GPR19: variants seen among roughly 807,000 people sequenced by gnomAD.
GPR19 encodes probable G protein-coupled receptor 19.
A neutral mutation model predicts 28.5 loss-of-function variants in GPR19; 14 were observed. The observed-to-expected ratio is 0.49, with a 90% CI of 0.32 to 0.77. The LOEUF is 0.77. Among genes scored for constraint, GPR19 ranks in the 30% least tolerant of loss-of-function variants. GPR19 has a pLI of 0.03. For missense variants in GPR19, 409 were observed against 504.1 expected (o/e 0.81, Z 1.81); for synonymous variants, 173 against 184.1 (o/e 0.94, Z 0.49).
At chr12:12,690,869 G>T (rs1012189364) in intron 2 of GPR19, among the ~76,000 whole-genome samples, 1 of 152,208 alleles carries the variant, frequency 6.6e-6, no homozygotes, top group Non-Finnish European at 1.5e-5. Flanking sequence ...AAAAAGGGCT[G>T]TTGGCAATTT....
upstream of GPR19, among the ~76,000 whole-genome samples, chr12:12,700,820 TA>T (rs1046000149): frequency 5.9e-5 from 9 of 152,212 alleles, no homozygotes; most frequent in African/African-American, 1.9e-4. Flanking sequence ...GAATTTAGTA[TA>T]AAAAATAATG....
the GPR19 span, among the ~76,000 whole-genome samples, chr12:12,715,476 A>G: frequency 4.6e-5 from 7 of 152,248 alleles, no homozygotes; most frequent in South Asian, 4.1e-4. Flanking sequence ...CTGTCCTTCA[A>G]TTTTAGTTGA....
chr12:12,674,830 T>C (rs10743998), intron 3 of GPR19, among the ~76,000 whole-genome samples: 117,907 of 152,098 alleles, frequency 0.78, 46,046 homozygotes, highest in East Asian at 0.95. Context: ...CTCATGAAGA[T>C]CTAGTATAAT....
upstream of GPR19, chr12:12,696,326 G>T (rs1946260838): frequency 7.1e-6 from 1 of 140,602 alleles, no homozygotes; most frequent in Non-Finnish European, 1.5e-5. Flanking sequence ...GTGGCGTTGA[G>T]ATCCCACCCG....
intron 3 of GPR19, among the ~76,000 whole-genome samples, chr12:12,680,484 A>G (rs1291257160): frequency 6.6e-6 from 1 of 152,208 alleles, no homozygotes; most frequent in Non-Finnish European, 1.5e-5. Flanking sequence ...AAACATATTC[A>G]TGATGGTAAC....
At chr12:12,668,294 A>C (rs950360297) in intron 3 of GPR19, among the ~76,000 whole-genome samples, 5 of 152,226 alleles carry the variant, frequency 3.3e-5, no homozygotes, top group Admixed American at 6.5e-5. Flanking sequence ...CTTCGGTATT[A>C]TGTTAATAAA....
At chr12:12,686,081 A>G (rs1448267740) in intron 2 of GPR19, among the ~76,000 whole-genome samples, 3 of 152,266 alleles carry the variant, frequency 2.0e-5, no homozygotes, top group African/African-American at 7.2e-5. Context: ...CAAACTGGCT[A>G]TACATTTGTC....
intron 2 of GPR19, among the ~76,000 whole-genome samples, chr12:12,695,066 C>A (rs1368236727): frequency 6.6e-6 from 1 of 152,226 alleles, no homozygotes; most frequent in African/African-American, 2.4e-5. Context: ...AATCCTGTGG[C>A]TTTCCATATT....
intron 3 of GPR19, among the ~76,000 whole-genome samples, chr12:12,673,618 C>A (rs116937857): frequency 6.6e-6 from 1 of 152,138 alleles, no homozygotes; most frequent in East Asian, 1.9e-4. Flanking sequence ...GAAACCCCAA[C>A]GACAGGAAGT....
the GPR19 span, among the ~76,000 whole-genome samples, chr12:12,707,742 A>G: frequency 8.5e-5 from 13 of 152,238 alleles, no homozygotes; most frequent in African/African-American, 2.9e-4. Flanking sequence ...TTTTAGGGAC[A>G]GGGTCTCGCT....
chr12:12,716,840 G>C, the GPR19 span: 1 of 984,454 alleles, frequency 1.0e-6, no homozygotes, highest in South Asian at 4.7e-5. Context: ...ACGCCGGCGG[G>C]GGGGCGCCCA....
the GPR19 span, among the ~76,000 whole-genome samples, chr12:12,704,702 AGTT>A: frequency 6.6e-6 from 1 of 152,190 alleles, no homozygotes; most frequent in Non-Finnish European, 1.5e-5. Context: ...GGTTTGGAAT[AGTT>A]GCAGGATTAG....
the GPR19 span, among the ~76,000 whole-genome samples, chr12:12,701,247 T>G: frequency 6.6e-6 from 1 of 152,250 alleles, no homozygotes; most frequent in Non-Finnish European, 1.5e-5. Context: ...TCTGCTTTTT[T>G]TCTTAACATC....
upstream of GPR19, among the ~76,000 whole-genome samples, chr12:12,697,179 C>CAAAAAAAA (rs1946279518): frequency 5.0e-5 from 1 of 20,166 alleles, no homozygotes; most frequent in African/African-American, 1.2e-4. Flanking sequence ...AAAAAAAAAG[C>CAAAAAAAA]AGCCATGCAA....
At chr12:12,691,298 C>T (rs894923796) in intron 2 of GPR19, among the ~76,000 whole-genome samples, 3 of 151,994 alleles carry the variant, frequency 2.0e-5, no homozygotes, top group African/African-American at 7.2e-5. Flanking sequence ...TCTAAAATTC[C>T]GTTAACTTTC....
chr12:12,700,356 T>G (rs1191266732), upstream of GPR19, among the ~76,000 whole-genome samples: 7 of 112,004 alleles, frequency 6.2e-5, no homozygotes, highest in African/African-American at 2.6e-4. Flanking sequence ...CCTGGCTATT[T>G]GTTGTTGTTG....
Position 12,679,072 on chromosome 12 carries a change from T to C in GPR19, c.-23+5279A>G, listed in dbSNP as rs557038112. On this transcript the variant is annotated intron_variant, in intron 3 of 3. Coordinates refer to ENST00000651487, the MANE Select transcript of GPR19 (RefSeq NM_006143.3). Reference sequence around the variant, plus strand: ...TCAGCCTCCCAAAGTACTGGGATTATAGACATGAACCACCGTGTCTGGCTC... The same window carrying C: ...TCAGCCTCCCAAAGTACTGGGATTACAGACATGAACCACCGTGTCTGGCTC... Among the ~76,000 whole-genome samples the C allele has an allele frequency of 6.6e-5, 10 of 152,190 alleles. No individual in the cohort carries two copies. The East Asian group carries it at 1.9e-3, about 29-fold the overall frequency.
intron 3 of GPR19, chr12:12,669,159 G>A (rs531580238): frequency 8.5e-5 from 13 of 152,332 alleles, no homozygotes; most frequent in African/African-American, 3.1e-4. Context: ...TCAGAAATAT[G>A]TGACATAGTG....
chr12:12,713,749 C>T, the GPR19 span, among the ~76,000 whole-genome samples: 1 of 152,146 alleles, frequency 6.6e-6, no homozygotes, highest in African/African-American at 2.4e-5. Flanking sequence ...CCAGGCTGGT[C>T]TTGAACTCCT....
Sources: gnomAD v4.1 joint callset for allele counts (sites outside exome capture counted in the v4.1 genomes callset) on GRCh38, gnomAD v4.1.1 for gene constraint, MANE v1.5 for transcripts, NCBI Gene and HGNC (gene_info 2026-07-23, HGNC 2026-07-21) for gene names.